LRP1B: variants seen among roughly 807,000 people sequenced by gnomAD.
LRP1B encodes the protein low-density lipoprotein receptor-related protein 1B.
A neutral mutation model predicts 556.6 loss-of-function variants in LRP1B; 217 were observed. The ratio of observed to expected loss-of-function variants is 0.39; its 90% CI spans 0.35 to 0.44. LRP1B has a LOEUF of 0.44. Among genes scored for constraint, LRP1B ranks in the 20% least tolerant of loss-of-function variants. The pLI, the probability that LRP1B is intolerant of heterozygous loss-of-function variation, is 1.00. For synonymous variants in LRP1B, 2,047 were observed against 1,865.8 expected (o/e 1.10, Z -2.50); for missense variants, 5,053 against 5,620.8 (o/e 0.90, Z 3.23).
At chr2:141,570,044 G>A (rs143087812) in intron 2 of LRP1B, among the ~76,000 whole-genome samples, 58 of 151,122 alleles carry the variant, frequency 3.8e-4, no homozygotes, top group African/African-American at 1.4e-3. Context: ...ACCAATCAGT[G>A]CAATATAGCA....
intron 1 of LRP1B, among the ~76,000 whole-genome samples, chr2:142,065,828 C>T (rs1705089528): frequency 6.6e-6 from 1 of 151,366 alleles, no homozygotes; most frequent in African/African-American, 2.4e-5. Flanking sequence ...TAAATCTCAT[C>T]AACTCAAAAG....
chr2:141,191,398 ACTTCCT>A (rs1412482258), intron 6 of LRP1B, among the ~76,000 whole-genome samples: 15 of 151,830 alleles, frequency 9.9e-5, no homozygotes. Flanking sequence ...GCCTCAAAAT[ACTTCCT>A]CAGTAACATG....
At chr2:140,855,493 G>GTAAAAAAAAAAAAAAAAA in intron 27 of LRP1B, among the ~76,000 whole-genome samples, 1 of 99,412 alleles carries the variant, frequency 1.0e-5, no homozygotes, top group East Asian at 2.6e-4. Context: ...TCTCTACTGG[G>GTAAAAAAAAAAAAAAAAA]AAAAAAAAAA....
chr2:141,582,330 A>C (rs987394830), intron 2 of LRP1B, among the ~76,000 whole-genome samples: 8 of 152,208 alleles, frequency 5.3e-5, no homozygotes, highest in Non-Finnish European at 1.0e-4. Flanking sequence ...CAAGGAATTC[A>C]TGAGACGCAC....
chr2:140,613,370 A>AATATAATTATATACATATAAAT (rs1683142596), intron 41 of LRP1B, among the ~76,000 whole-genome samples: 2 of 84,732 alleles, frequency 2.4e-5, no homozygotes, highest in Non-Finnish European at 2.9e-5. Flanking sequence ...TATAAATATA[A>AATATAATTATATACATATAAAT]ATATATATAA....
chr2:140,832,967 G>A (rs569778330), intron 31 of LRP1B, among the ~76,000 whole-genome samples: 3 of 152,222 alleles, frequency 2.0e-5, no homozygotes, highest in African/African-American at 7.2e-5. Context: ...CATATTATAT[G>A]CATGTATCAA....
chr2:140,670,168 C>T (rs1369644712), intron 41 of LRP1B, among the ~76,000 whole-genome samples: 1 of 152,088 alleles, frequency 6.6e-6, no homozygotes, highest in Non-Finnish European at 1.5e-5. Context: ...AGACACTACG[C>T]ATCCAATTTA....
chr2:141,368,953 A>C (rs532978474), intron 3 of LRP1B, among the ~76,000 whole-genome samples: 1 of 152,290 alleles, frequency 6.6e-6, no homozygotes, highest in East Asian at 1.9e-4. Context: ...GCTGGAAATG[A>C]AATTATTTTT....
At chr2:140,394,895 A>G (rs1203820004) in intron 66 of LRP1B, among the ~76,000 whole-genome samples, 1 of 152,092 alleles carries the variant, frequency 6.6e-6, no homozygotes, top group Non-Finnish European at 1.5e-5. Flanking sequence ...CCATTTTAAG[A>G]ACTGGTGTCT....
intron 2 of LRP1B, among the ~76,000 whole-genome samples, chr2:141,718,193 T>C (rs575934607): frequency 1.3e-5 from 2 of 152,318 alleles, no homozygotes; most frequent in African/African-American, 2.4e-5. Context: ...ACATGCTCCA[T>C]TGACAGCAAA....
intron 1 of LRP1B, among the ~76,000 whole-genome samples, chr2:141,971,744 A>G (rs1312461492): frequency 6.6e-6 from 1 of 151,430 alleles, no homozygotes; most frequent in Non-Finnish European, 1.5e-5. Flanking sequence ...TGTAAATACA[A>G]ATTTTTACAT....
At chr2:141,708,195 G>A (rs538483352) in intron 2 of LRP1B, among the ~76,000 whole-genome samples, 12 of 150,528 alleles carry the variant, frequency 8.0e-5, no homozygotes, top group Non-Finnish European at 1.0e-4. Context: ...CTGCACGTCC[G>A]CACATGTATC....
In LRP1B at chr2:140,730,912, C is replaced by T. The variant is rs116157572; in HGVS notation, c.5759-14096G>A. On this transcript the variant is annotated intron_variant, in intron 35 of 90. Transcript: ENST00000389484. ...CGCCTTGCTCCCCTCTTGGAAGCGA[C>T]GGACTCAGACCATAAGCGCTTTTCT... Among the ~76,000 whole-genome samples the T allele has an allele frequency of 3.8e-3, 572 of 152,192 alleles. 1 individual carries two copies. The highest frequency in any genetic ancestry group is 0.013 in the African/African-American group (536 of 41,532).
chr2:140,801,598 T>TG (rs1573737217), intron 32 of LRP1B, among the ~76,000 whole-genome samples: 1 of 131,308 alleles, frequency 7.6e-6, no homozygotes, highest in East Asian at 2.3e-4. Context: ...TTTTTTTTTT[T>TG]GTCTATAATG....
intron 17 of LRP1B, among the ~76,000 whole-genome samples, chr2:140,987,296 C>T (rs550411096): frequency 1.3e-5 from 2 of 151,994 alleles, no homozygotes; most frequent in Non-Finnish European, 2.9e-5. Flanking sequence ...CTTAAGGTGG[C>T]ATTTAAGTAA....
At chr2:141,839,850 T>C (rs1401893902) in intron 1 of LRP1B, among the ~76,000 whole-genome samples, 1 of 152,190 alleles carries the variant, frequency 6.6e-6, no homozygotes, top group Non-Finnish European at 1.5e-5. Context: ...CACAGATCAA[T>C]TGTTTACTTG....
At chr2:141,106,312 A>G (rs1700600845) in intron 7 of LRP1B, among the ~76,000 whole-genome samples, 1 of 152,166 alleles carries the variant, frequency 6.6e-6, no homozygotes, top group South Asian at 2.1e-4. Context: ...TTTGGCTCCT[A>G]AAATGCCCCC....
intron 26 of LRP1B, 30 bp from the exon 27 acceptor site, chr2:140,867,864 G>A (rs78140276): frequency 4.0e-6 from 6 of 1,492,916 alleles, no homozygotes; most frequent in South Asian, 2.9e-5. Flanking sequence ...TGAGTAGTTT[G>A]TCAAAACTCA....
chr2:140,570,352 G>A (rs1402101665), intron 43 of LRP1B, among the ~76,000 whole-genome samples: 1 of 151,334 alleles, frequency 6.6e-6, no homozygotes, highest in Non-Finnish European at 1.5e-5. Flanking sequence ...CATTACAACT[G>A]TTACCACAGA....
Sources: gnomAD v4.1 joint callset for allele counts (sites outside exome capture counted in the v4.1 genomes callset) on GRCh38, gnomAD v4.1.1 for gene constraint, MANE v1.5 for transcripts, NCBI Gene and HGNC (gene_info 2026-07-23, HGNC 2026-07-21) for gene names.